The following GRIN3A variants were observed in gnomAD, a reference collection of about 807,000 sequenced individuals.
GRIN3A encodes glutamate receptor ionotropic, NMDA 3A.
Under a neutral mutation model 92.4 loss-of-function variants are expected in GRIN3A, and 47 were observed. The observed-to-expected ratio is 0.51, with a 90% CI of 0.40 to 0.65. The LOEUF (loss-of-function observed/expected upper bound fraction) is 0.65. Ranked by LOEUF, GRIN3A falls within the 30% of genes least tolerant of loss-of-function variation. The pLI is 0.00. For missense variants in GRIN3A, 1,324 were observed against 1,393.1 expected, an observed-to-expected ratio of 0.95 and a Z score of 0.79; for synonymous variants, 527 against 540.6, an observed-to-expected ratio of 0.97 and a Z score of 0.35.
At chr9:101,727,644 G>T (rs1297400065) in intron 1 of GRIN3A, among the ~76,000 whole-genome samples, 3 of 151,824 alleles carry the variant, frequency 2.0e-5, no homozygotes, top group African/African-American at 7.3e-5. Flanking sequence ...TTATAGATAG[G>T]CTGGCAGTAC....
At chr9:101,594,933 G>A (rs768797949) in intron 6 of GRIN3A, 1 of 1,595,728 alleles carries the variant, frequency 6.3e-7, no homozygotes, top group South Asian at 1.1e-5. Flanking sequence ...GTGGACATCT[G>A]GCAACGGCCA....
At chr9:101,736,110 T>A (rs181045117) in intron 1 of GRIN3A, among the ~76,000 whole-genome samples, 1 of 152,320 alleles carries the variant, frequency 6.6e-6, no homozygotes, top group Admixed American at 6.5e-5. Flanking sequence ...TGGAAGAAGA[T>A]TGGAAATACA....
intron 4 of GRIN3A, 145 bp from the exon 5 acceptor site, chr9:101,623,578 G>A (rs776886517): frequency 8.8e-6 from 6 of 680,848 alleles, no homozygotes; most frequent in Admixed American, 4.2e-5. Context: ...TAGCTGTCTT[G>A]GCTTCTCACT....
rs752073776 is a variant in GRIN3A, at chr9:101,670,498, C to T, written c.1914G>A (p.Arg638=). Residue 638 remains arginine, a synonymous_variant, in exon 3 of 9, where the codon CGG becomes CGA. Transcript: ENST00000361820. Reference sequence around the variant, plus strand: ...GGCTGGTGAAATCTATCACCTGGCTCCGTGCAGTATTGATGCTAAAGGAAG... The same window carrying T: ...GGCTGGTGAAATCTATCACCTGGCTTCGTGCAGTATTGATGCTAAAGGAAG... ...AVTSFSINTA[R]SQVIDFTSPF... is the part of the protein sequence containing the mutation. The T allele has an allele frequency of 2.5e-6, 4 of 1,613,860 alleles. No individual in the cohort carries two copies. Among genetic ancestry groups the T allele is most frequent in the Non-Finnish European group, 3.4e-6 (4 of 1,179,968 alleles).
chr9:101,707,320 C>G lies in GRIN3A; in HGVS notation c.700-20120G>C, dbSNP rs190779290. Among the ~76,000 whole-genome samples the G allele has an allele frequency of 3.1e-3, 471 of 152,316 alleles. 3 individuals are homozygous for G. Among genetic ancestry groups the G allele is most frequent in the Middle Eastern group, 0.014 (4 of 294 alleles). On this transcript the variant is annotated intron_variant, in intron 1 of 8. Transcript: ENST00000361820. ...CATGCTGGCTGGATAAATTTACTAT[C>G]ACCAATTATTGTTTATATCTAATAA...
At chr9:101,616,156 A>C (rs1389205795) in intron 5 of GRIN3A, among the ~76,000 whole-genome samples, 1 of 152,204 alleles carries the variant, frequency 6.6e-6, no homozygotes, top group African/African-American at 2.4e-5. Flanking sequence ...TGAATGAATA[A>C]ATGAATGTGT....
At chr9:101,583,602 GCAGA>G (rs1442642178) in intron 6 of GRIN3A, among the ~76,000 whole-genome samples, 1 of 152,134 alleles carries the variant, frequency 6.6e-6, no homozygotes, top group African/African-American at 2.4e-5. Flanking sequence ...CTCAGGTGAT[GCAGA>G]CAAAATGATA....
At chr9:101,698,256 A>G (rs954742985) in intron 1 of GRIN3A, among the ~76,000 whole-genome samples, 14 of 152,196 alleles carry the variant, frequency 9.2e-5, no homozygotes, top group African/African-American at 3.4e-4. Flanking sequence ...TGTTAGCATT[A>G]CTTAGCATCT....
intron 2 of GRIN3A, among the ~76,000 whole-genome samples, chr9:101,684,080 C>T (rs991181674): frequency 1.4e-5 from 2 of 144,930 alleles, no homozygotes; most frequent in African/African-American, 5.1e-5. Context: ...CCCTTCCTTT[C>T]CTTCTTCCTG....
At chr9:101,677,419 T>G (rs1829412903) in intron 2 of GRIN3A, among the ~76,000 whole-genome samples, 1 of 152,018 alleles carries the variant, frequency 6.6e-6, no homozygotes, top group Admixed American at 6.6e-5. Context: ...TTTTTAGTGG[T>G]TTTTGTATAG....
intron 6 of GRIN3A, among the ~76,000 whole-genome samples, chr9:101,581,649 C>G (rs931839341): frequency 7.2e-5 from 11 of 152,154 alleles, no homozygotes. Context: ...TCTTGAACTT[C>G]CAGCCTCCAG....
chr9:101,627,561 A>G (rs1828650756), intron 4 of GRIN3A, among the ~76,000 whole-genome samples: 1 of 152,132 alleles, frequency 6.6e-6, no homozygotes, highest in African/African-American at 2.4e-5. Flanking sequence ...CAGGAGGGAG[A>G]GGACTACTCA....
intron 3 of GRIN3A, among the ~76,000 whole-genome samples, chr9:101,665,092 A>G (rs899360417): frequency 1.6e-4 from 25 of 151,980 alleles, no homozygotes; most frequent in African/African-American, 5.8e-4. Context: ...AATATAAACT[A>G]TTTACACACA....
intron 2 of GRIN3A, among the ~76,000 whole-genome samples, chr9:101,676,638 A>C (rs976967277): frequency 6.6e-6 from 1 of 151,854 alleles, no homozygotes; most frequent in Non-Finnish European, 1.5e-5. Flanking sequence ...TACTAGTAAC[A>C]TTCTCTCAAA....
chr9:101,691,394 G>A (rs1227396095), intron 1 of GRIN3A, among the ~76,000 whole-genome samples: 1 of 152,082 alleles, frequency 6.6e-6, no homozygotes, highest in East Asian at 1.9e-4. Context: ...AGAGGAAGAA[G>A]AAACTAGGAA....
At chr9:101,667,411 T>C (rs1191740154) in intron 3 of GRIN3A, among the ~76,000 whole-genome samples, 1 of 151,992 alleles carries the variant, frequency 6.6e-6, no homozygotes, top group Non-Finnish European at 1.5e-5. Flanking sequence ...TTAAACTTTC[T>C]TCCATTGTAA....
chr9:101,689,960 G>A (rs111765942), intron 1 of GRIN3A, among the ~76,000 whole-genome samples: 3,605 of 152,214 alleles, frequency 0.024, 133 homozygotes, highest in African/African-American at 0.082. Context: ...GATTTTAAAA[G>A]TAATTTCCAT....
chr9:101,678,469 T>G (rs1829426743), intron 2 of GRIN3A, among the ~76,000 whole-genome samples: 1 of 152,182 alleles, frequency 6.6e-6, no homozygotes, highest in Admixed American at 6.5e-5. Flanking sequence ...TATGTCATCT[T>G]TTAAAATTGC....
chr9:101,642,014 A>T (rs923410353), intron 3 of GRIN3A, among the ~76,000 whole-genome samples: 9 of 152,138 alleles, frequency 5.9e-5, no homozygotes, highest in African/African-American at 2.2e-4. Flanking sequence ...AACCCAAATA[A>T]CCAAAGCAAT....
Sources: allele counts gnomAD v4.1 joint callset (sites outside exome capture counted in the v4.1 genomes callset), GRCh38; gene constraint gnomAD v4.1.1; transcripts MANE v1.5; gene names NCBI Gene and HGNC (gene_info 2026-07-23, HGNC 2026-07-21).